IFTAP: variants seen among roughly 807,000 people sequenced by gnomAD.
IFTAP encodes intraflagellar transport-associated protein.
IFTAP carries 19 observed loss-of-function variants against 19.4 expected under a neutral mutation model. That is an observed-to-expected ratio of 0.98 (90% CI 0.68 to 1.44). IFTAP has a LOEUF of 1.44. Ranked by LOEUF, IFTAP falls within the 40% of genes most tolerant of loss-of-function variation. The pLI is 0.00. For synonymous variants in IFTAP, 85 were observed against 83.5 expected (o/e 1.02, Z -0.10); for missense variants, 240 against 253.6 (o/e 0.95, Z 0.36).
chr11:36,651,886 G>C (rs1853748427), intron 5 of IFTAP, among the ~76,000 whole-genome samples: 1 of 152,010 alleles, frequency 6.6e-6, no homozygotes. Context: ...TATTTCTGAG[G>C]GCTCTGTTCT....
At chr11:36,657,858 G>A (rs1241020429) in intron 5 of IFTAP, among the ~76,000 whole-genome samples, 1 of 152,084 alleles carries the variant, frequency 6.6e-6, no homozygotes, top group Non-Finnish European at 1.5e-5. Context: ...AAAGCACTAA[G>A]GTCCTTTCTG....
intron 3 of IFTAP, among the ~76,000 whole-genome samples, chr11:36,633,878 CTA>C (rs964715763): frequency 2.6e-5 from 4 of 152,108 alleles, no homozygotes; most frequent in African/African-American, 9.6e-5. Context: ...TACGCTTTTT[CTA>C]ATCTTGAAGA....
chr11:36,635,865 C>T (rs1852927479), intron 3 of IFTAP, among the ~76,000 whole-genome samples, 186 bp from the exon 4 acceptor site: 1 of 152,154 alleles, frequency 6.6e-6, no homozygotes, highest in Non-Finnish European at 1.5e-5. Context: ...AAATTTACTG[C>T]TTCTTTCAGA....
intron 2 of IFTAP, among the ~76,000 whole-genome samples, chr11:36,610,839 G>A (rs1203532266): frequency 6.6e-6 from 1 of 152,138 alleles, no homozygotes; most frequent in East Asian, 1.9e-4. Flanking sequence ...TGCTGCTGCT[G>A]TTGTGGTTTC....
intron 2 of IFTAP, among the ~76,000 whole-genome samples, chr11:36,617,860 G>C (rs925947748): frequency 1.3e-5 from 2 of 151,870 alleles, no homozygotes; most frequent in African/African-American, 4.8e-5. Context: ...CCAGACATCT[G>C]ACCCTCCTCT....
Position 36,600,646 on chromosome 11 carries a change from C to T in IFTAP, c.-24+6054C>T, listed in dbSNP as rs537409236. Reference sequence around the variant, plus strand: ...GAACATATATGATAGTAGAATGAAGCAACTTTTGGTTGCAGATGAACATGC... The same window carrying T: ...GAACATATATGATAGTAGAATGAAGTAACTTTTGGTTGCAGATGAACATGC... On this transcript the variant is annotated intron_variant, in intron 1 of 5. Transcript: ENST00000334307. 4.6e-5 allele frequency among the ~76,000 whole-genome samples: 7 copies of T among 152,290 alleles called. No individual in the cohort carries two copies. The South Asian group carries it at 6.2e-4, about 14-fold the overall frequency.
At chr11:36,601,252 G>A (rs11033708) in intron 1 of IFTAP, among the ~76,000 whole-genome samples, 23,133 of 152,142 alleles carry the variant, frequency 0.15, 2,509 homozygotes, top group African/African-American at 0.31. Context: ...GATAAATTGT[G>A]TTGGAAAGGT....
intron 1 of IFTAP, among the ~76,000 whole-genome samples, chr11:36,606,275 A>G (rs2133366764): frequency 6.6e-6 from 1 of 152,266 alleles, no homozygotes; most frequent in South Asian, 2.1e-4. Flanking sequence ...TCTGCCCAAC[A>G]TGGCGAAACC....
chr11:36,647,161 C>A (rs1565029978), intron 4 of IFTAP, among the ~76,000 whole-genome samples: 1 of 152,040 alleles, frequency 6.6e-6, no homozygotes. Flanking sequence ...TTAATTAGTG[C>A]CTTAATTAGG....
chr11:36,648,860 CAG>C (rs1853597589), intron 5 of IFTAP, among the ~76,000 whole-genome samples: 1 of 152,136 alleles, frequency 6.6e-6, no homozygotes, highest in African/African-American at 2.4e-5. Flanking sequence ...ATACTGGCCA[CAG>C]GGGAGGCTGA....
chr11:36,612,718 T>A (rs74335220), intron 2 of IFTAP, among the ~76,000 whole-genome samples: 1,817 of 152,234 alleles, frequency 0.012, 21 homozygotes, highest in East Asian at 0.031. Flanking sequence ...TTCCACTGAT[T>A]GACTGTTCTA....
At chr11:36,627,876 T>C (rs532598993) in intron 2 of IFTAP, among the ~76,000 whole-genome samples, 2 of 151,430 alleles carry the variant, frequency 1.3e-5, no homozygotes, top group South Asian at 4.1e-4. Context: ...CCAAATTATA[T>C]GTAAAAGTAT....
intron 1 of IFTAP, among the ~76,000 whole-genome samples, chr11:36,599,174 A>G (rs1399779750): frequency 6.6e-6 from 1 of 152,046 alleles, no homozygotes; most frequent in Non-Finnish European, 1.5e-5. Flanking sequence ...TTGTATTTTT[A>G]GTGGAGATGG....
intron 5 of IFTAP, among the ~76,000 whole-genome samples, chr11:36,649,005 A>T (rs9971465): frequency 6.6e-6 from 1 of 152,018 alleles, no homozygotes; most frequent in Non-Finnish European, 1.5e-5. Flanking sequence ...ATCAATAGAG[A>T]CTGTTGCTAG....
At chr11:36,640,645 T>C (rs1853159840) in intron 4 of IFTAP, among the ~76,000 whole-genome samples, 1 of 152,190 alleles carries the variant, frequency 6.6e-6, no homozygotes, top group Non-Finnish European at 1.5e-5. Flanking sequence ...TAGTATTCAT[T>C]GCCAATGATA....
At chr11:36,644,213 GA>G (rs1853365679) in intron 4 of IFTAP, among the ~76,000 whole-genome samples, 1 of 152,150 alleles carries the variant, frequency 6.6e-6, no homozygotes, top group African/African-American at 2.4e-5. Context: ...CTTCTCAAAA[GA>G]AGACATTTAT....
intron 1 of IFTAP, among the ~76,000 whole-genome samples, chr11:36,603,999 C>T (rs1565004347): frequency 6.6e-6 from 1 of 151,684 alleles, no homozygotes; most frequent in Non-Finnish European, 1.5e-5. Flanking sequence ...GTTAAGGCAT[C>T]CTTTGTGCTA....
intron 2 of IFTAP, among the ~76,000 whole-genome samples, chr11:36,617,185 G>C (rs1373217654): frequency 3.4e-5 from 5 of 148,648 alleles, no homozygotes; most frequent in Non-Finnish European, 6.0e-5. Flanking sequence ...CTTTTTATTT[G>C]TATATTTATT....
At chr11:36,658,917 GA>G in intron 5 of IFTAP, 101 bp from the exon 6 acceptor site, 6 of 867,962 alleles carry the variant, frequency 6.9e-6, no homozygotes, top group Non-Finnish European at 9.9e-6. Context: ...GCTGAAGTCT[GA>G]AAAAAGGTTT....
Sources: gnomAD v4.1 joint callset for allele counts (sites outside exome capture counted in the v4.1 genomes callset) on GRCh38, gnomAD v4.1.1 for gene constraint, MANE v1.5 for transcripts, NCBI Gene and HGNC (gene_info 2026-07-23, HGNC 2026-07-21) for gene names.